Variants in PLEKHG1 observed in about 807,000 individuals in gnomAD.
The protein encoded by PLEKHG1 is pleckstrin homology domain-containing family G member 1.
Under a neutral mutation model 100.8 loss-of-function variants are expected in PLEKHG1, and 44 were observed. The ratio of observed to expected loss-of-function variants is 0.44; its 90% CI spans 0.34 to 0.56. The LOEUF (loss-of-function observed/expected upper bound fraction) is 0.56. PLEKHG1 is among the 20% of genes least tolerant of loss of function. The probability of loss-of-function intolerance (pLI) is 0.01; values close to 1 mark genes in which losing one functional copy is unlikely to be tolerated. For missense variants in PLEKHG1, 1,545 were observed against 1,720.9 expected (o/e 0.90, Z 1.81); for synonymous variants, 640 against 662.5 (o/e 0.97, Z 0.52).
At position 150,751,927 on chromosome 6, in the gene PLEKHG1, G is replaced by A. The variant is rs148087945; in HGVS notation, c.412-16711G>A. On this transcript the variant is annotated intron_variant, in intron 2 of 15. Coordinates refer to ENST00000358517, the Ensembl canonical transcript of PLEKHG1. The stretch of plus-strand genomic sequence containing the variant: ...GTAGTGGCCGGGCGAGGTGGCTCAC[G>A]CCCGTAATCCCAGCACTTTGTGAGG... Among the ~76,000 whole-genome samples the A allele has an allele frequency of 1.6e-3, 243 of 152,288 alleles. 1 individual carries two copies. In the Middle Eastern group the frequency reaches 0.02, roughly 13 times the overall value.
chr6:150,627,122 C>G (rs1347759196), intron 1 of PLEKHG1, among the ~76,000 whole-genome samples: 1 of 152,146 alleles, frequency 6.6e-6, no homozygotes, highest in African/African-American at 2.4e-5. Flanking sequence ...GTTAAATCAG[C>G]AAGTCCATAT....
At chr6:150,616,948 T>C (rs532927672) in intron 1 of PLEKHG1, among the ~76,000 whole-genome samples, 11 of 152,130 alleles carry the variant, frequency 7.2e-5, no homozygotes, top group Non-Finnish European at 1.5e-4. Context: ...ATGACCTCAA[T>C]TGAGGGAGAT....
intron 3 of PLEKHG1, among the ~76,000 whole-genome samples, chr6:150,678,395 G>A (rs940161679): frequency 6.6e-6 from 1 of 151,984 alleles, no homozygotes; most frequent in Admixed American, 6.6e-5. Flanking sequence ...AAAGTGAGCA[G>A]GGAGAAATCT....
chr6:150,702,557 G>GGGGTGTGT (rs1554261632), intron 3 of PLEKHG1, among the ~76,000 whole-genome samples: 28 of 142,918 alleles, frequency 2.0e-4, no homozygotes, highest in East Asian at 1.8e-3. Flanking sequence ...TTTGTTTTGG[G>GGGGTGTGT]GTGTGTGTGT....
intron 10 of PLEKHG1, among the ~76,000 whole-genome samples, chr6:150,815,082 G>A (rs999242028): frequency 6.6e-6 from 1 of 152,138 alleles, no homozygotes; most frequent in African/African-American, 2.4e-5. Flanking sequence ...TTCTATTTAA[G>A]CAGGATTATC....
chr6:150,776,075 A>T (rs963796703), intron 3 of PLEKHG1, among the ~76,000 whole-genome samples: 2 of 152,138 alleles, frequency 1.3e-5, no homozygotes, highest in Non-Finnish European at 2.9e-5. Context: ...GTCATAATAC[A>T]ATTCCTGCCT....
At chr6:150,728,147 T>C (rs1782051124) in intron 1 of PLEKHG1, among the ~76,000 whole-genome samples, 1 of 152,262 alleles carries the variant, frequency 6.6e-6, no homozygotes, top group Non-Finnish European at 1.5e-5. Flanking sequence ...TATCTCTGCA[T>C]TCACTATTAT....
intron 1 of PLEKHG1, among the ~76,000 whole-genome samples, chr6:150,618,591 A>T (rs544388414): frequency 7.2e-4 from 110 of 152,374 alleles, no homozygotes; most frequent in African/African-American, 2.4e-3. Flanking sequence ...CCCTAAGAGC[A>T]TAGATGATAG....
chr6:150,708,974 C>T (rs571799482), intron 3 of PLEKHG1, among the ~76,000 whole-genome samples: 5 of 152,246 alleles, frequency 3.3e-5, no homozygotes, highest in East Asian at 1.9e-4. Flanking sequence ...ATGATGTCGT[C>T]GAAAAATTTT....
At chr6:150,815,556 C>G (rs972372609) in intron 10 of PLEKHG1, among the ~76,000 whole-genome samples, 2 of 152,170 alleles carry the variant, frequency 1.3e-5, no homozygotes, top group African/African-American at 4.8e-5. Context: ...AGAGACTGAG[C>G]TAACATTTGT....
At chr6:150,630,322 A>T (rs1271396433) in intron 1 of PLEKHG1, among the ~76,000 whole-genome samples, 1 of 152,174 alleles carries the variant, frequency 6.6e-6, no homozygotes, top group Non-Finnish European at 1.5e-5. Flanking sequence ...AGGCAAGGAG[A>T]TCAGTGGCCA....
At chr6:150,664,456 A>C (rs1779323405) in intron 3 of PLEKHG1, 1 of 152,218 alleles carries the variant, frequency 6.6e-6, no homozygotes, top group South Asian at 2.1e-4. Flanking sequence ...TGGGTAAGAA[A>C]CCAATAGCAC....
At position 150,701,265 on chromosome 6, in the gene PLEKHG1, A is replaced by C. The variant is rs138583699; in HGVS notation, c.-98-32319A>C. Among the ~76,000 whole-genome samples the C allele has an allele frequency of 5.8e-3, 870 of 149,706 alleles. 10 individuals are homozygous for C. The highest frequency in any genetic ancestry group is 0.02 in the African/African-American group (808 of 40,860). ...AACCCAGGAGACAGAGTTTGCAGTGAGCCACGATCACACCACTGTGCTCCA... is the reference window on the plus strand; with the variant it reads ...AACCCAGGAGACAGAGTTTGCAGTGCGCCACGATCACACCACTGTGCTCCA... On this transcript the variant is annotated intron_variant, in intron 3 of 3. Transcript: ENST00000367326.
intron 3 of PLEKHG1, among the ~76,000 whole-genome samples, chr6:150,773,046 T>G (rs1195573509): frequency 6.6e-6 from 1 of 152,124 alleles, no homozygotes; most frequent in Non-Finnish European, 1.5e-5. Context: ...CTTTTTATAG[T>G]GCGTAGGTTT....
chr6:150,656,906 T>G (rs1327107786), intron 3 of PLEKHG1, among the ~76,000 whole-genome samples: 2 of 152,148 alleles, frequency 1.3e-5, no homozygotes, highest in Non-Finnish European at 1.5e-5. Flanking sequence ...CTGGGTAACT[T>G]GTAATGGCAC....
Position 150,600,255 on chromosome 6 carries a change from G to C in PLEKHG1, c.-204+238G>C, listed in dbSNP as rs1459504684. Among the ~76,000 whole-genome samples the C allele has an allele frequency of 6.6e-6, 1 of 151,068 alleles. No individual in the cohort carries two copies. The highest frequency in any genetic ancestry group is 2.0e-4 in the East Asian group (1 of 5,108). ...CGCGGTGGGGACGGAGGGCGCTGGG[G>C]GGCGCCGCGTCTCGGGGGTCGGAGT... On this transcript the variant is annotated intron_variant, in intron 1 of 3. Transcript: ENST00000367326. The surrounding 1 kb of genome is among the most constrained non-coding windows in gnomAD (Gnocchi z 6.2).
intron 4 of PLEKHG1, among the ~76,000 whole-genome samples, chr6:150,787,659 C>G (rs1029254202): frequency 3.9e-5 from 6 of 152,218 alleles, no homozygotes; most frequent in African/African-American, 1.4e-4. Context: ...TGACCTGGCT[C>G]TGGACTGTTC....
At chr6:150,657,318 G>T (rs960853485) in intron 3 of PLEKHG1, among the ~76,000 whole-genome samples, 1 of 152,164 alleles carries the variant, frequency 6.6e-6, no homozygotes, top group African/African-American at 2.4e-5. Context: ...AAGATACAAG[G>T]CTTCTGCCAA....
intron 3 of PLEKHG1, among the ~76,000 whole-genome samples, chr6:150,699,860 T>C (rs1266737797): frequency 6.6e-6 from 1 of 152,196 alleles, no homozygotes; most frequent in Non-Finnish European, 1.5e-5. Flanking sequence ...AACTTTGAAA[T>C]TGTCTGATCG....
Sources: allele counts gnomAD v4.1 joint callset (sites outside exome capture counted in the v4.1 genomes callset), GRCh38; gene constraint gnomAD v4.1.1; non-coding constraint Gnocchi (gnomAD v3.1); transcripts MANE v1.5; gene names NCBI Gene and HGNC (gene_info 2026-07-23, HGNC 2026-07-21).